The following ALDH3A1 variants were observed in gnomAD, a reference collection of about 807,000 sequenced individuals.
The protein encoded by ALDH3A1 is aldehyde dehydrogenase 3 family member A1.
In ALDH3A1, 46 loss-of-function variants were observed where a neutral mutation model predicts 49.9. That is an observed-to-expected ratio of 0.92 (90% confidence interval 0.73 to 1.18). The LOEUF (loss-of-function observed/expected upper bound fraction) is 1.18, where lower values mean the gene tolerates loss of function less well. Ranked by LOEUF, ALDH3A1 falls within the 50% of genes most tolerant of loss-of-function variation. ALDH3A1 has a pLI of 0.00. For synonymous variants in ALDH3A1, 269 were observed against 253.3 expected (o/e 1.06, Z -0.59); for missense variants, 592 against 611.8 (o/e 0.97, Z 0.34).
At chr17:19,744,480 C>A (rs922211632) in intron 2 of ALDH3A1, 2 of 985,354 alleles carry the variant, frequency 2.0e-6, no homozygotes, top group South Asian at 4.7e-5. Context: ...GGCTCCGGAG[C>A]GCTGGACCCC....
In ALDH3A1 at chr17:19,743,626, A is replaced by C; in HGVS notation, c.163-163T>G. The C allele has an allele frequency of 7.0e-7, 1 of 1,426,084 alleles. No homozygotes were observed. 88.3% of individuals were successfully genotyped at this position (1,426,084 alleles called of 1,614,324 possible). On this transcript the variant is annotated intron_variant, in intron 2 of 10. Coordinates refer to ENST00000225740, the MANE Select transcript of ALDH3A1 (RefSeq NM_000691.5). The surrounding 1 kb of genome is among the most constrained non-coding windows in gnomAD (Gnocchi z 4.4). ...TCCCAGGGGAAGCAGAGCCAGGATT[A>C]GCCGTTGGACCTGTGGGTCTGAGAG...
chr17:19,743,316 G>T lies in ALDH3A1; in HGVS notation c.310C>A (p.Pro104Thr). Residue 104 changes from proline to threonine, a missense_variant, in exon 3 of 11, where the codon CCA (proline) becomes ACA (threonine). Pro to Thr is a conservative substitution (Grantham distance 38). Transcript: ENST00000225740. The surrounding 1 kb of genome is among the most constrained non-coding windows in gnomAD (Gnocchi z 4.4). The stretch of plus-strand genomic sequence containing the variant: ...CCAATGACGAGGACCACGCCCAGTG[G>T]CTCCGAGTGGATGTAGAGCTCGTCC... ...QQDELYIHSE[P>T]LGVVLVIGTW... 1 of 1,614,180 alleles carries T rather than the reference G, an allele frequency of 6.2e-7. No homozygotes were observed. The highest frequency in any genetic ancestry group is 1.1e-5 in the South Asian group (1 of 91,086).
chr17:19,745,937 T>A (rs2086589518), intron 1 of ALDH3A1, among the ~76,000 whole-genome samples: 1 of 152,046 alleles, frequency 6.6e-6, no homozygotes, highest in African/African-American at 2.4e-5. Flanking sequence ...ATCCCAAAGA[T>A]CCGAAAGAAA....
intron 6 of ALDH3A1, 146 bp downstream of exon 6, chr17:19,740,947 T>C (rs1006621660): frequency 1.4e-5 from 9 of 646,536 alleles, no homozygotes; most frequent in South Asian, 9.4e-5. Context: ...ATTACCGGTG[T>C]GAGCCACCAT....
intron 2 of ALDH3A1, 41 bp downstream of exon 2, chr17:19,744,922 CGCATG>C: frequency 8.0e-7 from 1 of 1,243,152 alleles, no homozygotes; most frequent in Non-Finnish European, 1.1e-6. Flanking sequence ...CACGCCCCAT[CGCATG>C]GCCCCGACAC....
chr17:19,747,529 C>T (rs145372783), intron 1 of ALDH3A1, among the ~76,000 whole-genome samples: 1 of 152,328 alleles, frequency 6.6e-6, no homozygotes, highest in East Asian at 1.9e-4. Flanking sequence ...CCCAGCATCG[C>T]CACTTGGAAC....
chr17:19,741,259 G>A, intron 5 of ALDH3A1, 49 bp from the exon 6 acceptor site: 2 of 1,553,922 alleles, frequency 1.3e-6, no homozygotes, highest in Non-Finnish European at 1.8e-6. Context: ...CCCAGGAGTT[G>A]CATCTCGTTT....
chr17:19,742,720 T>C lies in ALDH3A1; in HGVS notation c.395-90A>G, dbSNP rs779805732. Reference sequence around the variant, plus strand: ...GACCACACCTGAAGCCTCCCCTCCATTGTGTGTCCTCGGGACAGTGGATGG... The same window carrying C: ...GACCACACCTGAAGCCTCCCCTCCACTGTGTGTCCTCGGGACAGTGGATGG... On this transcript the variant is annotated intron_variant, in intron 3 of 10. Coordinates refer to ENST00000225740, the MANE Select transcript of ALDH3A1 (RefSeq NM_000691.5). 5 of 1,599,240 alleles carry C rather than the reference T, an allele frequency of 3.1e-6. No homozygotes were observed. The South Asian group carries it at 4.5e-5, about 14-fold the overall frequency.
intron 1 of ALDH3A1, chr17:19,745,742 T>A (rs1006644274): frequency 1.3e-5 from 2 of 152,216 alleles, no homozygotes; most frequent in Non-Finnish European, 2.9e-5. Context: ...TGGAGGCGAT[T>A]CCTGCTACCA....
intron 2 of ALDH3A1, chr17:19,744,160 G>A: frequency 1.0e-6 from 1 of 976,674 alleles, no homozygotes; most frequent in Non-Finnish European, 1.2e-6. Context: ...CACTCTGAGA[G>A]GCCGAGAACT....
chr17:19,738,304 A>C lies in ALDH3A1; in HGVS notation c.1347+19T>G. 1 of 1,613,700 alleles carries C rather than the reference A, an allele frequency of 6.2e-7. No homozygotes were observed. On this transcript the variant is annotated intron_variant, in intron 10 of 10. Transcript: ENST00000225740. ...TCCCGCACAGCCCGGTCTCCCCCAC[A>C]GCGCCTTCCCCCTCTCACCTTGGCC...
At position 19,741,193 on chromosome 17, in the gene ALDH3A1, T is replaced by A. The variant is rs763939016; in HGVS notation, c.707A>T (p.Lys236Ile). 3.1e-6 allele frequency: 5 copies of A among 1,613,622 alleles called. No homozygotes were observed. The highest frequency in any genetic ancestry group is 1.1e-5 in the South Asian group (1 of 91,080). ...DVACRRIAWG[K>I]FMNSGQTCVA... is the part of the protein sequence containing the mutation. ...GCAGGTCTGGCCACTGTTCATGAAT[T>A]TCCCCCAGGCGATGCGTCTGTGAGA... The change falls in exon 6 of 11, where the codon AAA (lysine) becomes ATA (isoleucine). Residue 236 changes from lysine to isoleucine, a missense_variant. By Grantham distance (102) the Lys-to-Ile change is moderately radical (BLOSUM62 -3). Coordinates refer to ENST00000225740, the MANE Select transcript of ALDH3A1 (RefSeq NM_000691.5).
Position 19,743,764 on chromosome 17 carries a change from G to C in ALDH3A1, c.163-301C>G. 2 of 984,662 alleles carry C rather than the reference G, an allele frequency of 2.0e-6. No individual in the cohort carries two copies. The highest frequency in any genetic ancestry group is 2.4e-6 in the Non-Finnish European group (2 of 829,650). The allele number at this position is 984,662 out of a possible 1,614,324, so 61.0% of individuals were successfully genotyped here. ...GGATCCAGGTAGGGGGAATAGAGCC[G>C]GGCAGGGGAGAGTAGATTCAGGCAG... On this transcript the variant is annotated intron_variant, in intron 2 of 10. Transcript: ENST00000225740. The surrounding 1 kb of genome is among the most constrained non-coding windows in gnomAD (Gnocchi z 4.4).
chr17:19,742,659 C>A (rs1390779270), intron 3 of ALDH3A1, 29 bp from the exon 4 acceptor site: 1 of 1,613,612 alleles, frequency 6.2e-7, no homozygotes, highest in South Asian at 1.1e-5. Flanking sequence ...CAGGCCTATG[C>A]CCAGGGTACT....
chr17:19,742,794 C>A, intron 3 of ALDH3A1, 164 bp from the exon 4 acceptor site: 1 of 1,535,696 alleles, frequency 6.5e-7, no homozygotes, highest in Non-Finnish European at 8.7e-7. Context: ...CCCAGGAGCA[C>A]GCACGGGCAC....
chr17:19,744,201 C>G, intron 2 of ALDH3A1: 1 of 838,580 alleles, frequency 1.2e-6, no homozygotes, highest in South Asian at 5.4e-5. Context: ...GGCAGGAGTT[C>G]AAGACCAGCC....
chr17:19,739,371 G>A, intron 8 of ALDH3A1, 137 bp downstream of exon 8: 1 of 1,085,202 alleles, frequency 9.2e-7, no homozygotes, highest in Non-Finnish European at 1.3e-6. Context: ...TGATCTTACA[G>A]ACGAGGTGAA....
intron 1 of ALDH3A1, among the ~76,000 whole-genome samples, chr17:19,747,430 C>A (rs919095607): frequency 2.3e-4 from 35 of 152,334 alleles, no homozygotes; most frequent in African/African-American, 6.3e-4. Flanking sequence ...GAAGGTCCCG[C>A]TTCTCTCCCG....
At position 19,741,101 on chromosome 17, in the gene ALDH3A1, A is replaced by G; in HGVS notation, c.799T>C (p.Ser267Pro). Residue 267 changes from serine (S) to proline (P), a missense_variant, in exon 6 of 11, where the codon TCA becomes CCA. Transcript: ENST00000225740. ...QNQIVEKLKKSLKEFYGEDAK... is the reference protein window; with the variant it reads ...QNQIVEKLKKPLKEFYGEDAK... Reference sequence around the variant, plus strand: ...AAGGGGTCAACACTCACTTTCAGTGACTTCTTGAGCTTCTCCACAATTTGG... The same window carrying G: ...AAGGGGTCAACACTCACTTTCAGTGGCTTCTTGAGCTTCTCCACAATTTGG... The G allele has an allele frequency of 1.2e-6, 2 of 1,613,736 alleles. No individual in the cohort carries two copies. Among genetic ancestry groups the G allele is most frequent in the Non-Finnish European group, 1.7e-6 (2 of 1,179,682 alleles).
Sources: gnomAD v4.1 joint callset for allele counts (sites outside exome capture counted in the v4.1 genomes callset) on GRCh38, gnomAD v4.1.1 for gene constraint, Gnocchi (gnomAD v3.1) non-coding constraint, MANE v1.5 for transcripts, NCBI Gene and HGNC (gene_info 2026-07-23, HGNC 2026-07-21) for gene names.